Variants in DPM1 observed in about 807,000 individuals in gnomAD.
The protein encoded by DPM1 is dolichol-phosphate mannosyltransferase subunit 1.
Under a neutral mutation model 39.0 loss-of-function variants are expected in DPM1, and 27 were observed. That is an observed-to-expected ratio of 0.69 (90% CI 0.51 to 0.95). DPM1 has a LOEUF of 0.95. Among genes scored for constraint, DPM1 ranks in the 40% least tolerant of loss-of-function variants. DPM1 has a pLI of 0.00. For synonymous variants in DPM1, 124 were observed against 109.0 expected, an observed-to-expected ratio of 1.14 and a Z score of -0.86; for missense variants, 307 against 315.6, an observed-to-expected ratio of 0.97 and a Z score of 0.21.
Position 50,956,369 on chromosome 20 carries a change from C to T in DPM1, c.162-1084G>A, listed in dbSNP as rs556940153. Among the ~76,000 whole-genome samples the T allele has an allele frequency of 5.9e-5, 9 of 151,920 alleles. 1 individual carries two copies. The highest frequency in any genetic ancestry group is 2.1e-4 in the South Asian group (1 of 4,820). ...CTGTAATCCCAGCACTTTGGGAGGCCGAGGCAGGCGGATCACGAGGTCAGG... is the reference window on the plus strand; with the variant it reads ...CTGTAATCCCAGCACTTTGGGAGGCTGAGGCAGGCGGATCACGAGGTCAGG... On this transcript the variant is annotated intron_variant, in intron 1 of 8. Transcript: ENST00000371588.
intron 6 of DPM1, among the ~76,000 whole-genome samples, chr20:50,941,677 T>C (rs1476009754): frequency 1.3e-5 from 2 of 151,956 alleles, no homozygotes; most frequent in African/African-American, 2.4e-5. Context: ...CCCAGGTCTG[T>C]CTGAAATCAA....
Position 50,935,113 on chromosome 20 carries a change from A to T in DPM1, c.*19T>A, listed in dbSNP as rs749987764. ...TGTTTAACCTGAAATGAACGTAACT[A>T]TAAATGAGTATCTTTCTTTTATGTA... On this transcript the variant is annotated 3_prime_UTR_variant, in exon 9 of 9. Transcript: ENST00000371588. 1.9e-5 allele frequency: 26 copies of T among 1,364,484 alleles called. No individual in the cohort carries two copies. In the Admixed American group the frequency reaches 4.4e-4, roughly 23 times the overall value. The allele number at this position is 1,364,484 out of a possible 1,614,324, so 84.5% of individuals were successfully genotyped here. A position where few individuals can be genotyped will look rare whatever the true frequency, so the allele number is the denominator to read the frequency against.
chr20:50,944,656 G>A (rs1165289785), intron 5 of DPM1: 2 of 152,218 alleles, frequency 1.3e-5, no homozygotes, highest in Non-Finnish European at 2.9e-5. Context: ...TGAACTCCCT[G>A]AACTGGAGGG....
intron 1 of DPM1, among the ~76,000 whole-genome samples, chr20:50,957,516 CAA>C (rs1601063386): frequency 6.6e-6 from 1 of 152,232 alleles, no homozygotes; most frequent in East Asian, 1.9e-4. Flanking sequence ...ATGGTGTGAA[CAA>C]AGTCCTTGTT....
chr20:50,958,386 C>G lies in DPM1; in HGVS notation c.138G>C (p.Leu46=). The G allele has an allele frequency of 6.2e-7, 1 of 1,613,940 alleles. No individual in the cohort carries two copies. The highest frequency in any genetic ancestry group is 1.1e-5 in the South Asian group (1 of 91,072). ...ACCTCTCGGAGAAGCTTTTCACCAGCAGCCACACGATGAGCGGCAGGTTCT... is the reference window on the plus strand; with the variant it reads ...ACCTCTCGGAGAAGCTTTTCACCAGGAGCCACACGATGAGCGGCAGGTTCT... ...ERENLPLIVW[L]LVKSFSESGI... The change falls in exon 1 of 9, where the codon CTG becomes CTC. Residue 46 remains leucine, a synonymous_variant. Coordinates refer to ENST00000371588, the MANE Select transcript of DPM1 (RefSeq NM_003859.3).
rs6020868 is a variant in DPM1 at position 50,958,151 on chromosome 20, C to G, written c.161+212G>C. Among the ~76,000 whole-genome samples the G allele has an allele frequency of 2.2e-3, 340 of 152,338 alleles. 1 individual carries two copies. Among genetic ancestry groups the G allele is most frequent in the African/African-American group, 7.9e-3 (328 of 41,576 alleles). On this transcript the variant is annotated intron_variant, in intron 1 of 8. Coordinates refer to ENST00000371588, the MANE Select transcript of DPM1 (RefSeq NM_003859.3). The stretch of plus-strand genomic sequence containing the variant: ...ATAATAAAGATAAATGAGAGTCTCA[C>G]AAAACCCAAGGGCAGGAATGAGAAC...
rs58806831 is a variant in DPM1 at position 50,949,763 on chromosome 20, A to ATT, written c.262-1103_262-1102dup. On this transcript the variant is annotated intron_variant, in intron 2 of 8. Transcript: ENST00000371588. ...AAAGCATTTTCAATTAAAGCAGATG[A>ATT]TTTTTTTTTTTTTTCACTATATGCA... 9.0e-4 allele frequency among the ~76,000 whole-genome samples: 131 copies of ATT among 145,616 alleles called. 1 individual carries two copies. The highest frequency in any genetic ancestry group is 1.3e-3 in the African/African-American group (50 of 39,888).
At chr20:50,955,826 A>T (rs895415421) in intron 1 of DPM1, among the ~76,000 whole-genome samples, 6 of 152,180 alleles carry the variant, frequency 3.9e-5, no homozygotes, top group Admixed American at 6.5e-5. Flanking sequence ...GCCTCCCAAA[A>T]TGCTGGGATT....
At chr20:50,956,729 C>T (rs951734532) in intron 1 of DPM1, among the ~76,000 whole-genome samples, 9 of 152,072 alleles carry the variant, frequency 5.9e-5, no homozygotes, top group African/African-American at 1.2e-4. Flanking sequence ...GGCACTGGTG[C>T]CTTTACATGC....
chr20:50,937,201 G>C (rs929347513), intron 7 of DPM1, among the ~76,000 whole-genome samples: 1 of 152,056 alleles, frequency 6.6e-6, no homozygotes, highest in South Asian at 2.1e-4. Context: ...TGTGCCTCAG[G>C]GTTTCACCCT....
At chr20:50,956,740 C>T (rs1356470097) in intron 1 of DPM1, among the ~76,000 whole-genome samples, 4 of 152,002 alleles carry the variant, frequency 2.6e-5, no homozygotes, top group African/African-American at 9.7e-5. Context: ...CTTTACATGC[C>T]AAAATATGTA....
chr20:50,951,848 T>TGGTA lies in DPM1; in HGVS notation c.262-3190_262-3187dup, dbSNP rs1986595510. ...TCATCAAAGGCAACTTCGGTTTTACTGGTAACATTTATATTTTACAAGGAT... is the reference window on the plus strand; with the variant it reads ...TCATCAAAGGCAACTTCGGTTTTACTGGTAGGTAACATTTATATTTTACAAGGAT... On this transcript the variant is annotated intron_variant, in intron 2 of 8. Coordinates refer to ENST00000371588, the MANE Select transcript of DPM1 (RefSeq NM_003859.3). 2.0e-5 allele frequency among the ~76,000 whole-genome samples: 3 copies of TGGTA among 152,320 alleles called. No individual in the cohort carries two copies. The South Asian group carries it at 6.2e-4, about 32-fold the overall frequency.
At chr20:50,938,785 G>C (rs987390573) in intron 7 of DPM1, among the ~76,000 whole-genome samples, 5 of 151,154 alleles carry the variant, frequency 3.3e-5, no homozygotes, top group African/African-American at 1.2e-4. Flanking sequence ...TTCAAGACCA[G>C]CCTGACCAAC....
rs904420979 is a variant in DPM1, at chr20:50,942,060, A to G, written c.465T>C (p.Tyr155=). 5 of 1,614,160 alleles carry G rather than the reference A, an allele frequency of 3.1e-6. No homozygotes were observed. In the African/African-American group the frequency reaches 5.3e-5, roughly 17 times the overall value. The part of the protein sequence containing the change: ...GTRYKGNGGV[Y]GWDLKRKIIS... ...TTATTTTTCTTTTCAAATCCCAGCCATATACACCTCCATTTCCTTTGTAGC... is the reference window on the plus strand; with the variant it reads ...TTATTTTTCTTTTCAAATCCCAGCCGTATACACCTCCATTTCCTTTGTAGC... Residue 155 remains tyrosine, a synonymous_variant, in exon 6 of 9, where the codon TAT becomes TAC. Transcript: ENST00000371588.
At chr20:50,953,392 G>A (rs1986678186) in intron 2 of DPM1, among the ~76,000 whole-genome samples, 1 of 152,126 alleles carries the variant, frequency 6.6e-6, no homozygotes, top group Non-Finnish European at 1.5e-5. Flanking sequence ...AAGCATCTGT[G>A]GTGAACACTT....
intron 2 of DPM1, among the ~76,000 whole-genome samples, chr20:50,953,316 T>A (rs1386972863): frequency 6.6e-6 from 1 of 152,216 alleles, no homozygotes; most frequent in African/African-American, 2.4e-5. Context: ...CCTACAGAAT[T>A]TTTAAAAATA....
intron 3 of DPM1, among the ~76,000 whole-genome samples, chr20:50,946,790 G>C (rs1466283025): frequency 1.3e-5 from 2 of 152,166 alleles, no homozygotes; most frequent in Admixed American, 6.5e-5. Context: ...AGTGAATATC[G>C]GCTGGGTGTG....
chr20:50,948,653 G>A lies in DPM1; in HGVS notation c.271C>T (p.Pro91Ser). 1 of 1,613,810 alleles carries A rather than the reference G, an allele frequency of 6.2e-7. No individual in the cohort carries two copies. Among genetic ancestry groups the A allele is most frequent in the South Asian group, 1.1e-5 (1 of 91,078 alleles). The change falls in exon 3 of 9, where the codon CCA becomes TCA. Residue 91 changes from proline to serine, a missense_variant. Coordinates refer to ENST00000371588, the MANE Select transcript of DPM1 (RefSeq NM_003859.3). ...IYGSDRILLRPREKKLGLGTA... is the reference protein window; with the variant it reads ...IYGSDRILLRSREKKLGLGTA... The stretch of plus-strand genomic sequence containing the variant: ...CCTAGTCCCAACTTTTTCTCTCGTG[G>A]TCTTAGAAGCTGTAGGAATAAGAAA...
At chr20:50,947,176 C>T (rs1986338380) in intron 3 of DPM1, among the ~76,000 whole-genome samples, 1 of 152,044 alleles carries the variant, frequency 6.6e-6, no homozygotes, top group African/African-American at 2.4e-5. Flanking sequence ...TCATCGCACC[C>T]CAGCCTGGGC....
Sources: gnomAD v4.1 joint callset for allele counts (sites outside exome capture counted in the v4.1 genomes callset) on GRCh38, gnomAD v4.1.1 for gene constraint, MANE v1.5 for transcripts, NCBI Gene and HGNC (gene_info 2026-07-23, HGNC 2026-07-21) for gene names.